The following RAPGEF2 variants were observed in gnomAD, a reference collection of about 807,000 sequenced individuals.
RAPGEF2 encodes the protein PDZ domain containing guanine nucleotide exchange factor (GEF) 1.
Under a neutral mutation model 186.7 loss-of-function variants are expected in RAPGEF2, and 54 were observed. The observed-to-expected ratio is 0.29, with a 90% CI of 0.23 to 0.36. The LOEUF (loss-of-function observed/expected upper bound fraction) is 0.36. Among genes scored for constraint, RAPGEF2 ranks in the 10% least tolerant of loss-of-function variants. The probability of loss-of-function intolerance (pLI) is 1.00; values close to 1 mark genes in which losing one functional copy is unlikely to be tolerated. For synonymous variants in RAPGEF2, 712 were observed against 705.9 expected (o/e 1.01, Z -0.14); for missense variants, 1,532 against 2,045.0 (o/e 0.75, Z 4.84).
chr4:159,258,553 C>G (rs1403513532), intron 7 of RAPGEF2, among the ~76,000 whole-genome samples: 1 of 151,846 alleles, frequency 6.6e-6, no homozygotes, highest in African/African-American at 2.4e-5. Flanking sequence ...CTGTCACTTT[C>G]TTTTTTTTAG....
In RAPGEF2 at chr4:159,332,040, T is replaced by A; in HGVS notation, c.1888+6T>A. 1.3e-6 allele frequency: 2 copies of A among 1,539,158 alleles called. No individual in the cohort carries two copies. The highest frequency in any genetic ancestry group is 1.8e-6 in the Non-Finnish European group (2 of 1,129,454). ...TGTGAAAACCAATTTATTTGGTAAG[T>A]ATTTTGCATACTTTTCATTTTTCTC... On this transcript the variant is annotated splice_donor_region_variant and intron_variant, in intron 16 of 29. Coordinates refer to ENST00000691494, the MANE Select transcript of RAPGEF2 (RefSeq NM_001394067.2).
At position 159,331,801 on chromosome 4, in the gene RAPGEF2, G is replaced by C. The variant is rs751920466; in HGVS notation, c.1747G>C (p.Ala583Pro). 1 of 1,613,680 alleles carries C rather than the reference G, an allele frequency of 6.2e-7. No homozygotes were observed. Among genetic ancestry groups the C allele is most frequent in the South Asian group, 1.1e-5 (1 of 91,046 alleles). ...FVDSVDSGSKATEAGLKRGDQ... is the reference protein window; with the variant it reads ...FVDSVDSGSKPTEAGLKRGDQ... ...TGACAGTGTAGATTCAGGTAGCAAA[G>C]CAACTGAAGCAGGCTTGAAACGGGG... The change falls in exon 15 of 30, where the codon GCA becomes CCA. Residue 583 changes from alanine (A) to proline (P), a missense_variant. This residue lies in a region of RAPGEF2 where 810 missense variants were observed against 1,210.5 expected (regional missense o/e 0.67). Transcript: ENST00000691494.
At chr4:159,213,212 T>C (rs1360336254) in intron 4 of RAPGEF2, among the ~76,000 whole-genome samples, 1 of 152,226 alleles carries the variant, frequency 6.6e-6, no homozygotes, top group Non-Finnish European at 1.5e-5. Context: ...AGGACTGAGA[T>C]TGTTTTAATG....
At chr4:159,167,088 G>A (rs1193846436) in intron 1 of RAPGEF2, among the ~76,000 whole-genome samples, 1 of 151,970 alleles carries the variant, frequency 6.6e-6, no homozygotes. Context: ...AAATCAAAAA[G>A]AAAAGTATGA....
chr4:159,166,511 T>C (rs149365163), intron 1 of RAPGEF2, among the ~76,000 whole-genome samples: 4 of 152,294 alleles, frequency 2.6e-5, no homozygotes, highest in African/African-American at 9.6e-5. Flanking sequence ...TTAGTCTCAT[T>C]ACTTTGTTGA....
At position 159,355,789 on chromosome 4, in the gene RAPGEF2, T is replaced by C. The variant is rs1580081387; in HGVS notation, c.4652-64T>C. Reference sequence around the variant, plus strand: ...GATGCTGTTTTAGTAATTATTTTTATATTTTTAATAAACTTTTGTGGCATG... The same window carrying C: ...GATGCTGTTTTAGTAATTATTTTTACATTTTTAATAAACTTTTGTGGCATG... On this transcript the variant is annotated intron_variant, in intron 28 of 29. Coordinates refer to ENST00000691494, the MANE Select transcript of RAPGEF2 (RefSeq NM_001394067.2). 3 of 1,352,862 alleles carry C rather than the reference T, an allele frequency of 2.2e-6. No homozygotes were observed. In the East Asian group the frequency reaches 7.6e-5, roughly 34 times the overall value. The allele number at this position is 1,352,862 out of a possible 1,614,324, so 83.8% of individuals were successfully genotyped here.
intron 17 of RAPGEF2, among the ~76,000 whole-genome samples, chr4:159,337,486 T>C (rs1014705603): frequency 6.6e-6 from 1 of 152,228 alleles, no homozygotes; most frequent in Non-Finnish European, 1.5e-5. Context: ...TTCTTTTTAA[T>C]GTGCTTTTTT....
chr4:159,194,095 C>T (rs575120716), intron 3 of RAPGEF2, among the ~76,000 whole-genome samples: 37 of 152,278 alleles, frequency 2.4e-4, no homozygotes, highest in African/African-American at 8.2e-4. Context: ...AGGAGAGCCT[C>T]AGCAAAGGGG....
Position 159,238,794 on chromosome 4 carries a change from T to C in RAPGEF2, c.282-15T>C. 1.3e-6 allele frequency: 2 copies of C among 1,515,014 alleles called. No individual in the cohort carries two copies. Among genetic ancestry groups the C allele is most frequent in the Middle Eastern group, 1.7e-4 (1 of 5,884 alleles). 93.8% of individuals were successfully genotyped at this position (1,515,014 alleles called of 1,614,324 possible). A position where few individuals can be genotyped will look rare whatever the true frequency, so the allele number is the denominator to read the frequency against. ...TGAGGTTCTCCTCATTGATTTTTTT[T>C]TTCTTTCTTTCTAGTTTTGGCAAGC... is the stretch of plus-strand genomic sequence containing the variant. On this transcript the variant is annotated splice_polypyrimidine_tract_variant and intron_variant, in intron 4 of 29. Coordinates refer to ENST00000691494, the MANE Select transcript of RAPGEF2 (RefSeq NM_001394067.2).
intron 1 of RAPGEF2, among the ~76,000 whole-genome samples, chr4:159,173,903 TTAAAA>T (rs1315055635): frequency 6.6e-6 from 1 of 152,348 alleles, no homozygotes; most frequent in African/African-American, 2.4e-5. Context: ...TGAGAGTCTA[TTAAAA>T]TAAGATACTT....
chr4:159,289,898 A>G (rs77471044), intron 7 of RAPGEF2, among the ~76,000 whole-genome samples: 1,689 of 152,164 alleles, frequency 0.011, 16 homozygotes, highest in East Asian at 0.035. Flanking sequence ...CCAGAAATAG[A>G]TTTATATATT....
chr4:159,214,304 T>C (rs1750801059), intron 4 of RAPGEF2, among the ~76,000 whole-genome samples: 4 of 152,234 alleles, frequency 2.6e-5, no homozygotes, highest in Admixed American at 2.6e-4. Context: ...ATTAAAATAA[T>C]TGACAGGCAG....
intron 1 of RAPGEF2, among the ~76,000 whole-genome samples, chr4:159,173,949 T>G (rs1040836731): frequency 2.0e-5 from 3 of 152,216 alleles, no homozygotes; most frequent in Non-Finnish European, 4.4e-5. Context: ...GTTAAATGTA[T>G]TTTTGCTGCC....
At chr4:159,280,188 A>G (rs1404875458) in intron 7 of RAPGEF2, among the ~76,000 whole-genome samples, 2 of 152,190 alleles carry the variant, frequency 1.3e-5, no homozygotes, top group African/African-American at 4.8e-5. Context: ...TAAGTAATTT[A>G]TAGGGAGCTA....
chr4:159,207,649 T>TA (rs1750121748), intron 3 of RAPGEF2, among the ~76,000 whole-genome samples: 1 of 152,238 alleles, frequency 6.6e-6, no homozygotes, highest in African/African-American at 2.4e-5. Context: ...GCCACATAGT[T>TA]AGGAAGTGGC....
intron 8 of RAPGEF2, among the ~76,000 whole-genome samples, chr4:159,311,266 A>G (rs1466538203): frequency 2.0e-5 from 3 of 152,198 alleles, no homozygotes; most frequent in South Asian, 2.1e-4. Context: ...TATTTTTATA[A>G]TTGGTGTATG....
chr4:159,177,770 G>A (rs543184474), intron 1 of RAPGEF2, among the ~76,000 whole-genome samples: 15 of 152,308 alleles, frequency 9.8e-5, no homozygotes, highest in African/African-American at 3.1e-4. Context: ...GTGAATTTGA[G>A]CATTGGATAA....
intron 3 of RAPGEF2, among the ~76,000 whole-genome samples, chr4:159,204,031 C>T (rs1194639916): frequency 2.0e-5 from 3 of 152,180 alleles, no homozygotes; most frequent in Non-Finnish European, 4.4e-5. Context: ...TGGACCTTCT[C>T]CTGTGAAGGA....
At chr4:159,122,906 A>G (rs1040457578) in intron 1 of RAPGEF2, among the ~76,000 whole-genome samples, 7 of 152,266 alleles carry the variant, frequency 4.6e-5, no homozygotes, top group Admixed American at 6.5e-5. Flanking sequence ...ACTGTAGATT[A>G]AGATCTGCAA....
Sources: allele counts gnomAD v4.1 joint callset (sites outside exome capture counted in the v4.1 genomes callset), GRCh38; gene constraint gnomAD v4.1.1; regional missense constraint gnomAD v4.1.1; transcripts MANE v1.5; gene names NCBI Gene and HGNC (gene_info 2026-07-23, HGNC 2026-07-21).